Variants in CHIC1 observed in about 807,000 individuals in gnomAD.
The protein encoded by CHIC1 is cysteine-rich hydrophobic domain-containing protein 1.
Under a neutral mutation model 18.5 loss-of-function variants are expected in CHIC1, and 7 were observed. That is an observed-to-expected ratio of 0.38 (90% CI 0.22 to 0.71). The LOEUF is 0.71. CHIC1 is among the 30% of genes least tolerant of loss of function. The probability of loss-of-function intolerance (pLI) is 0.49; values close to 1 mark genes in which losing one functional copy is unlikely to be tolerated. For synonymous variants in CHIC1, 77 were observed against 73.5 expected (o/e 1.05, Z -0.25); for missense variants, 159 against 176.9 (o/e 0.90, Z 0.57).
At chrX:73,658,942 C>T (rs772825839) in intron 3 of CHIC1, among the ~76,000 whole-genome samples, 1 of 111,937 alleles carries the variant, frequency 8.9e-6, no homozygotes, top group South Asian at 3.7e-4. Flanking sequence ...AGGTTTTTTG[C>T]CTGGCCGTGT....
At chrX:73,577,892 TAGTTGG>T (rs1239295128) in intron 2 of CHIC1, among the ~76,000 whole-genome samples, 3 of 110,071 alleles carry the variant, frequency 2.7e-5, no homozygotes, top group Admixed American at 9.7e-5. Context: ...GACTTTTAGA[TAGTTGG>T]AGTTGGTAAG....
At chrX:73,609,573 T>C (rs1018615381) in intron 3 of CHIC1, among the ~76,000 whole-genome samples, 1 of 109,540 alleles carries the variant, frequency 9.1e-6, no homozygotes, top group African/African-American at 3.5e-5. Context: ...GGCTAATGTT[T>C]TCTTTTAAAA....
intron 3 of CHIC1, among the ~76,000 whole-genome samples, chrX:73,596,687 C>T (rs2147561225): frequency 9.0e-6 from 1 of 110,592 alleles, no homozygotes; most frequent in African/African-American, 3.3e-5. Context: ...GATATATAGG[C>T]CAATGGAACA....
Position 73,584,543 on chromosome X carries a change from C to G in CHIC1, c.478C>G (p.Leu160Val). The part of the protein sequence containing the change: ...LCCCCTLGCS[L>V]WPVICLNKRT... ...CTGCTGTTGCACACTGGGTTGCAGC[C>G]TATGGCCTGTTATTTGTCTCAACAA... The change falls in exon 3 of 6, where the codon CTA becomes GTA. Residue 160 changes from leucine (L) to valine (V), a missense_variant. Leu to Val is a conservative substitution (Grantham distance 32). Coordinates refer to ENST00000373502, the MANE Select transcript of CHIC1 (RefSeq NM_001039840.4). The G allele has an allele frequency of 8.6e-7, 1 of 1,158,504 alleles. No homozygotes were observed. The highest frequency in any genetic ancestry group is 1.2e-6 in the Non-Finnish European group (1 of 867,264).
At position 73,563,449 on chromosome X, in the gene CHIC1, GGAGGAGGAAGAA is replaced by G. The variant is rs777803740; in HGVS notation, c.174_185del (p.Glu65_Glu68del). ...ATGAGGAGGAAGAGGAGGAAGAGGAGGAGGAGGAAGAAGAGGAGGAGGAGGAAGAGGAGGAGG... is the reference window on the plus strand; with the variant it reads ...ATGAGGAGGAAGAGGAGGAAGAGGAGGAGGAGGAGGAGGAAGAGGAGGAGG... On this transcript the variant is annotated inframe_deletion, in exon 1 of 6. Transcript: ENST00000373502. The G allele has an allele frequency of 9.5e-6, 11 of 1,159,733 alleles. No homozygotes were observed. In the African/African-American group the frequency reaches 2.0e-4, roughly 21 times the overall value.
At chrX:73,580,670 G>A (rs1479077667) in intron 2 of CHIC1, among the ~76,000 whole-genome samples, 2 of 110,577 alleles carry the variant, frequency 1.8e-5, no homozygotes, top group East Asian at 2.8e-4. Flanking sequence ...AAGAAAAAAG[G>A]TCTAAATTCC....
chrX:73,680,672 T>C (rs1485437910), intron 5 of CHIC1, among the ~76,000 whole-genome samples: 1 of 110,704 alleles, frequency 9.0e-6, no homozygotes, highest in African/African-American at 3.3e-5. Flanking sequence ...TTTAATGGAG[T>C]TTGCTCCTGT....
intron 3 of CHIC1, among the ~76,000 whole-genome samples, chrX:73,640,300 G>A (rs1603346821): frequency 2.7e-5 from 3 of 111,880 alleles, no homozygotes. Flanking sequence ...TGTGGTTTTT[G>A]TTTTTAGTTC....
At chrX:73,597,989 A>G (rs2057619590) in intron 3 of CHIC1, among the ~76,000 whole-genome samples, 1 of 111,639 alleles carries the variant, frequency 9.0e-6, no homozygotes, top group African/African-American at 3.3e-5. Flanking sequence ...CATGGTGTAC[A>G]TGTGCCACAT....
At chrX:73,643,713 CT>C (rs1179564630) in intron 3 of CHIC1, among the ~76,000 whole-genome samples, 1 of 112,101 alleles carries the variant, frequency 8.9e-6, no homozygotes, top group Non-Finnish European at 1.9e-5. Flanking sequence ...TGGCTTTCAG[CT>C]CCATCAACTC....
chrX:73,639,606 G>A (rs779337262), intron 3 of CHIC1, among the ~76,000 whole-genome samples: 7 of 111,468 alleles, frequency 6.3e-5, no homozygotes, highest in Non-Finnish European at 1.3e-4. Context: ...ACGTCCAGAA[G>A]GGTATTTCCT....
intron 3 of CHIC1, among the ~76,000 whole-genome samples, chrX:73,676,058 C>T (rs1569505834): frequency 8.9e-6 from 1 of 111,796 alleles, no homozygotes; most frequent in Non-Finnish European, 1.9e-5. Flanking sequence ...TGAATATTGG[C>T]CCCCACTCTC....
chrX:73,644,991 G>C (rs191466749), intron 3 of CHIC1, among the ~76,000 whole-genome samples: 1 of 112,348 alleles, frequency 8.9e-6, no homozygotes, highest in Admixed American at 9.4e-5. Flanking sequence ...TGCACCCACT[G>C]TCTGGCACTC....
chrX:73,575,393 G>A (rs1165568151), intron 1 of CHIC1, among the ~76,000 whole-genome samples: 3 of 110,120 alleles, frequency 2.7e-5, no homozygotes, highest in Non-Finnish European at 5.8e-5. Context: ...GATACCTCCT[G>A]AGAAATGTAT....
At chrX:73,644,342 TGAG>T (rs1433423456) in intron 3 of CHIC1, among the ~76,000 whole-genome samples, 12 of 112,213 alleles carry the variant, frequency 1.1e-4, no homozygotes, top group Non-Finnish European at 1.9e-4. Flanking sequence ...GGGACCCACT[TGAG>T]GAGGCAGTCT....
At chrX:73,592,354 G>T (rs2057586147) in intron 3 of CHIC1, among the ~76,000 whole-genome samples, 1 of 111,115 alleles carries the variant, frequency 9.0e-6, no homozygotes, top group Non-Finnish European at 1.9e-5. Context: ...TGCCATAGAT[G>T]GCTCTTAACT....
chrX:73,654,929 A>G (rs961134864), intron 3 of CHIC1, among the ~76,000 whole-genome samples: 3 of 110,995 alleles, frequency 2.7e-5, no homozygotes, highest in Non-Finnish European at 5.7e-5. Flanking sequence ...TCAAAGGTAC[A>G]TGTGGCAAAT....
chrX:73,616,083 C>T (rs2057731516), intron 3 of CHIC1, among the ~76,000 whole-genome samples: 1 of 110,318 alleles, frequency 9.1e-6, no homozygotes. Flanking sequence ...TGGCCCCCCT[C>T]CCCCCAGGCA....
intron 1 of CHIC1, among the ~76,000 whole-genome samples, chrX:73,564,178 G>A (rs777255070): frequency 1.8e-5 from 2 of 111,296 alleles, no homozygotes; most frequent in African/African-American, 6.5e-5. Flanking sequence ...TTAGACGCTG[G>A]TCCCGGTTTT....
Sources: allele counts gnomAD v4.1 joint callset (sites outside exome capture counted in the v4.1 genomes callset), GRCh38; gene constraint gnomAD v4.1.1; transcripts MANE v1.5; gene names NCBI Gene and HGNC (gene_info 2026-07-23, HGNC 2026-07-21).